The following RASD2 variants were observed in gnomAD, a reference collection of about 807,000 sequenced individuals.
RASD2 encodes RASD family member 2, also known as GTP-binding protein Rhes.
Under a neutral mutation model 15.8 loss-of-function variants are expected in RASD2, and 7 were observed. That is an observed-to-expected ratio of 0.44 (90% CI 0.25 to 0.83). RASD2 has a LOEUF of 0.83. Ranked by LOEUF, RASD2 falls within the 40% of genes least tolerant of loss-of-function variation. The pLI, the probability that RASD2 is intolerant of heterozygous loss-of-function variation, is 0.20. For missense variants in RASD2, 274 were observed against 382.8 expected (o/e 0.72, Z 2.37); for synonymous variants, 155 against 153.6 (o/e 1.01, Z -0.07).
In RASD2 at chr22:35,552,471, G is replaced by A. The variant is rs56034121; in HGVS notation, c.*439G>A. The A allele has an allele frequency of 0.036, 5,920 of 163,384 alleles. 156 individuals are homozygous for A. The highest frequency in any genetic ancestry group is 0.056 in the Non-Finnish European group (4,211 of 75,186). The allele number at this position is 163,384 out of a possible 1,614,324, so 10.1% of individuals were successfully genotyped here. On this transcript the variant is annotated 3_prime_UTR_variant, in exon 3 of 3. Coordinates refer to ENST00000216127, the MANE Select transcript of RASD2 (RefSeq NM_014310.4). ...AACACCCAGCTTGGTTTGGGTGGCA[G>A]CTGGGAGAACTTCTCTCCCAGCCCT...
chr22:35,547,094 G>C lies in RASD2; in HGVS notation c.271+14G>C. 1 of 1,607,292 alleles carries C rather than the reference G, an allele frequency of 6.2e-7. No homozygotes were observed. The highest frequency in any genetic ancestry group is 8.5e-7 in the Non-Finnish European group (1 of 1,175,542). On this transcript the variant is annotated intron_variant, in intron 2 of 2. Transcript: ENST00000216127. ...CCATCCTCACAGGTGAGGCCCACTG[G>C]TGCCTGGGCTGGGGCGGCAGGGCCA... is the stretch of plus-strand genomic sequence containing the variant.
intron 2 of RASD2, among the ~76,000 whole-genome samples, chr22:35,550,897 C>A (rs1268811607): frequency 6.6e-6 from 1 of 152,194 alleles, no homozygotes; most frequent in Non-Finnish European, 1.5e-5. Context: ...CAGTGCTTAG[C>A]CCCCAGTAGG....
intron 1 of RASD2, among the ~76,000 whole-genome samples, chr22:35,546,061 G>T (rs1934495121): frequency 6.6e-6 from 1 of 152,128 alleles, no homozygotes; most frequent in South Asian, 2.1e-4. Flanking sequence ...TCTACTCCGG[G>T]CCTCTGGGTC....
At chr22:35,541,664 T>C (rs1453928150) in intron 1 of RASD2, among the ~76,000 whole-genome samples, 164 bp downstream of exon 1, 2 of 152,214 alleles carry the variant, frequency 1.3e-5, no homozygotes, top group African/African-American at 4.8e-5. Flanking sequence ...CAACTTTGCA[T>C]ACCTAGAGAG....
intron 1 of RASD2, 47 bp from the exon 2 acceptor site, chr22:35,546,754 G>A: frequency 9.5e-6 from 15 of 1,582,168 alleles, no homozygotes; most frequent in Non-Finnish European, 1.3e-5. Flanking sequence ...AGGTGGTGGG[G>A]CCAGGTCGGG....
At chr22:35,538,905 C>T (rs979826739), upstream of RASD2, among the ~76,000 whole-genome samples, 12 of 152,202 alleles carry the variant, frequency 7.9e-5, no homozygotes, top group African/African-American at 2.9e-4. Context: ...CAAACCCTCC[C>T]GGGCTGAAGC....
At chr22:35,548,112 T>C (rs775438205) in intron 2 of RASD2, among the ~76,000 whole-genome samples, 1 of 150,696 alleles carries the variant, frequency 6.6e-6, no homozygotes, top group Non-Finnish European at 1.5e-5. Context: ...GACAGGGAGG[T>C]TGGGGGGAAG....
At chr22:35,548,172 CA>C (rs1405779416) in intron 2 of RASD2, among the ~76,000 whole-genome samples, 1 of 152,164 alleles carries the variant, frequency 6.6e-6, no homozygotes, top group Non-Finnish European at 1.5e-5. Flanking sequence ...ACTGCATTAG[CA>C]TGGTAGCTAA....
upstream of RASD2, among the ~76,000 whole-genome samples, chr22:35,539,214 C>T (rs917858798): frequency 3.3e-5 from 5 of 152,206 alleles, no homozygotes; most frequent in African/African-American, 9.7e-5. Context: ...CAATATCATA[C>T]CCATTTTAGA....
At position 35,549,835 on chromosome 22, in the gene RASD2, C is replaced by T. The variant is rs1934612108; in HGVS notation, c.272-1668C>T. The stretch of plus-strand genomic sequence containing the variant: ...GCTCTGGGGGTGCAGAGGAAGGTGG[C>T]AGCCATTCTGCCAGAAGCTGGAACT... On this transcript the variant is annotated intron_variant, in intron 2 of 2. Coordinates refer to ENST00000216127, the MANE Select transcript of RASD2 (RefSeq NM_014310.4). 2.6e-5 allele frequency among the ~76,000 whole-genome samples: 4 copies of T among 152,140 alleles called. No homozygotes were observed. In the South Asian group the frequency reaches 8.3e-4, roughly 31 times the overall value.
chr22:35,533,820 G>GTGA, the RASD2 span, among the ~76,000 whole-genome samples: 1 of 144,320 alleles, frequency 6.9e-6, no homozygotes, highest in South Asian at 2.3e-4. Flanking sequence ...TGTGATGATG[G>GTGA]TGATGATGAT....
chr22:35,534,023 G>A, the RASD2 span, among the ~76,000 whole-genome samples: 3 of 152,150 alleles, frequency 2.0e-5, no homozygotes, highest in African/African-American at 7.2e-5. Flanking sequence ...TAATGATGGT[G>A]ATGATGACAT....
At chr22:35,534,654 C>G in the RASD2 span, among the ~76,000 whole-genome samples, 1 of 152,204 alleles carries the variant, frequency 6.6e-6, no homozygotes, top group Admixed American at 6.5e-5. Context: ...GGTGCATTCT[C>G]AAGGACTAGA....
intron 1 of RASD2, among the ~76,000 whole-genome samples, chr22:35,546,124 G>C (rs1190770861): frequency 6.6e-6 from 1 of 152,150 alleles, no homozygotes; most frequent in Admixed American, 6.5e-5. Flanking sequence ...ATCCGGGCAG[G>C]TCATGGAGCG....
intron 2 of RASD2, among the ~76,000 whole-genome samples, chr22:35,550,965 C>A (rs903747524): frequency 6.6e-6 from 1 of 152,214 alleles, no homozygotes; most frequent in Non-Finnish European, 1.5e-5. Context: ...ACTGTCCATT[C>A]ATTATCTTGC....
rs1364532209 is a variant in RASD2 at position 35,552,585 on chromosome 22, G to C, written c.*553G>C. On this transcript the variant is annotated 3_prime_UTR_variant, in exon 3 of 3. Coordinates refer to ENST00000216127, the MANE Select transcript of RASD2 (RefSeq NM_014310.4). ...TTGGCCCCCAGCTGCGCCTGACATT[G>C]AGCCAGTGGACTCTGTGTCTGAAGG... 1 of 154,298 alleles carries C rather than the reference G, an allele frequency of 6.5e-6. No individual in the cohort carries two copies. The highest frequency in any genetic ancestry group is 1.4e-5 in the Non-Finnish European group (1 of 69,624). 9.6% of individuals were successfully genotyped at this position (154,298 alleles called of 1,614,324 possible). A position where few individuals can be genotyped will look rare whatever the true frequency, so the allele number is the denominator to read the frequency against.
At chr22:35,545,470 C>G (rs992122429) in intron 1 of RASD2, among the ~76,000 whole-genome samples, 1 of 152,176 alleles carries the variant, frequency 6.6e-6, no homozygotes, top group Non-Finnish European at 1.5e-5. Flanking sequence ...CAGCCCCCAC[C>G]TCTGGGATGC....
chr22:35,548,696 G>C (rs1336198802), intron 2 of RASD2, among the ~76,000 whole-genome samples: 4 of 152,228 alleles, frequency 2.6e-5, no homozygotes, highest in Admixed American at 2.0e-4. Context: ...CAGCAGTCAA[G>C]TTCTCCGCTC....
chr22:35,545,870 C>G (rs1434173885), intron 1 of RASD2, among the ~76,000 whole-genome samples: 4 of 151,974 alleles, frequency 2.6e-5, no homozygotes, highest in Non-Finnish European at 5.9e-5. Context: ...CTGTGAAGAG[C>G]CTTTGGGGTG....
Sources: gnomAD v4.1 joint callset for allele counts (sites outside exome capture counted in the v4.1 genomes callset) on GRCh38, gnomAD v4.1.1 for gene constraint, MANE v1.5 for transcripts, NCBI Gene and HGNC (gene_info 2026-07-23, HGNC 2026-07-21) for gene names.